GRAMD1B: variants seen among roughly 807,000 people sequenced by gnomAD.
The protein encoded by GRAMD1B is protein Aster-B.
Under a neutral mutation model 99.7 loss-of-function variants are expected in GRAMD1B, and 37 were observed. That is an observed-to-expected ratio of 0.37 (90% CI 0.29 to 0.49). The LOEUF (loss-of-function observed/expected upper bound fraction) is 0.49, where lower values mean the gene tolerates loss of function less well. GRAMD1B is among the 20% of genes least tolerant of loss of function. The probability of loss-of-function intolerance (pLI) is 0.98; values close to 1 mark genes in which losing one functional copy is unlikely to be tolerated. For missense variants in GRAMD1B, 888 were observed against 1,009.2 expected, an observed-to-expected ratio of 0.88 and a Z score of 1.63; for synonymous variants, 427 against 387.6, an observed-to-expected ratio of 1.10 and a Z score of -1.19.
At chr11:123,516,997 G>T (rs931928030) in intron 2 of GRAMD1B, among the ~76,000 whole-genome samples, 1 of 152,168 alleles carries the variant, frequency 6.6e-6, no homozygotes, top group South Asian at 2.1e-4. Context: ...TTGGCTCACT[G>T]CACCCTCCAC....
intron 1 of GRAMD1B, among the ~76,000 whole-genome samples, chr11:123,378,627 C>G: frequency 6.6e-6 from 1 of 152,154 alleles, no homozygotes; most frequent in Non-Finnish European, 1.5e-5. Flanking sequence ...GAGACCAAAA[C>G]TGTCATGGTT....
In GRAMD1B at chr11:123,610,459, A is replaced by G. The variant is rs943294510; in HGVS notation, c.1919+121A>G. 1.1e-5 allele frequency: 10 copies of G among 948,456 alleles called. No homozygotes were observed. The highest frequency in any genetic ancestry group is 7.6e-5 in the Admixed American group (4 of 52,882). 58.8% of individuals were successfully genotyped at this position (948,456 alleles called of 1,614,324 possible). A position where few individuals can be genotyped will look rare whatever the true frequency, so the allele number is the denominator to read the frequency against. On this transcript the variant is annotated intron_variant, in intron 14 of 19. Transcript: ENST00000635736. This position sits in a 1 kb window ranked among gnomAD's most constrained non-coding sequence, Gnocchi z 4.1. ...CTTGGCTGCTGACTCTCTTTATTCT[A>G]CTTTCTCTCCGAAGCCTTATGAGGC...
At position 123,606,644 on chromosome 11, in the gene GRAMD1B, G is replaced by A. The variant is rs2279519; in HGVS notation, c.1359G>A (p.Glu453=). The change falls in exon 11 of 20, where the codon GAG becomes GAA. Residue 453 remains glutamate (E), a synonymous_variant. Transcript: ENST00000635736. ...DGLPLEEEAL[E]GDGSLEKELA... ...TGCCCCTGGAGGAAGAGGCGCTGGA[G>A]GGAGACGGGTCCCTGGAAAAGGAGC... 505,236 of 1,611,422 alleles carry A rather than the reference G, an allele frequency of 0.31. 81,245 individuals are homozygous for A. Among genetic ancestry groups the A allele is most frequent in the South Asian group, 0.4 (36,239 of 90,488 alleles).
At position 123,435,937 on chromosome 11, in the gene GRAMD1B, C is replaced by CTTTTT. The variant is rs10647186; in HGVS notation, c.374+4790_374+4794dup. Among the ~76,000 whole-genome samples the CTTTTT allele has an allele frequency of 2.9e-3, 281 of 95,712 alleles. 6 individuals are homozygous for CTTTTT. The highest frequency in any genetic ancestry group is 3.5e-3 in the African/African-American group (88 of 25,036). The allele number at this position is 95,712 out of a possible 152,430, so 62.8% of individuals were successfully genotyped here. A position where few individuals can be genotyped will look rare whatever the true frequency, so the allele number is the denominator to read the frequency against. On this transcript the variant is annotated intron_variant, in intron 1 of 19. Transcript: ENST00000635736. ...TTGTTGCCCCACAAAGAAACTCATACTTTTTTTTTTTTTTTTTTTTTTTGA... is the reference window on the plus strand; with the variant it reads ...TTGTTGCCCCACAAAGAAACTCATACTTTTTTTTTTTTTTTTTTTTTTTTTTTTGA...
At chr11:123,433,833 C>A (rs1949027991) in intron 1 of GRAMD1B, among the ~76,000 whole-genome samples, 1 of 112,916 alleles carries the variant, frequency 8.9e-6, no homozygotes, top group Non-Finnish European at 1.9e-5. Context: ...GTAGTGGAAC[C>A]TTCATTTTGT....
intron 1 of GRAMD1B, among the ~76,000 whole-genome samples, chr11:123,359,374 C>G (rs998767539): frequency 1.8e-4 from 20 of 112,734 alleles, no homozygotes; most frequent in Non-Finnish European, 3.3e-4. Flanking sequence ...CTCTGCTTCT[C>G]GTTTCCTCTG....
At chr11:123,523,828 T>C (rs1329886152) in intron 2 of GRAMD1B, among the ~76,000 whole-genome samples, 1 of 152,216 alleles carries the variant, frequency 6.6e-6, no homozygotes, top group Non-Finnish European at 1.5e-5. Flanking sequence ...TCAATATCTG[T>C]GCTGAAAGTA....
intron 1 of GRAMD1B, 143 bp downstream of exon 1, chr11:123,431,309 G>T: frequency 1.7e-6 from 1 of 590,460 alleles, no homozygotes; most frequent in Non-Finnish European, 3.0e-6. Flanking sequence ...CGCTGCGCCT[G>T]GTCCCAGGGA....
chr11:123,538,394 C>T (rs1944174682), intron 2 of GRAMD1B, among the ~76,000 whole-genome samples: 1 of 152,054 alleles, frequency 6.6e-6, no homozygotes, highest in Non-Finnish European at 1.5e-5. Context: ...TTGAAAACAG[C>T]TTCATTTTGA....
At chr11:123,418,176 G>C (rs574628950) in intron 1 of GRAMD1B, among the ~76,000 whole-genome samples, 2 of 152,310 alleles carry the variant, frequency 1.3e-5, no homozygotes, top group South Asian at 4.1e-4. Flanking sequence ...ATGGCTTAAT[G>C]TCAGCCTTCT....
chr11:123,392,856 A>T (rs1405477420), intron 1 of GRAMD1B, among the ~76,000 whole-genome samples: 1 of 152,202 alleles, frequency 6.6e-6, no homozygotes, highest in African/African-American at 2.4e-5. Flanking sequence ...GTTACATTTC[A>T]TCTTGTTATA....
At position 123,610,061 on chromosome 11, in the gene GRAMD1B, C is replaced by A; in HGVS notation, c.1777-135C>A. ...TGGTGGCGTCTTGCTTGTTTAGTTGCTGCTGATTCCAGTGATCCTGGTTCT... is the reference window on the plus strand; with the variant it reads ...TGGTGGCGTCTTGCTTGTTTAGTTGATGCTGATTCCAGTGATCCTGGTTCT... On this transcript the variant is annotated intron_variant, in intron 13 of 19. Transcript: ENST00000635736. This position sits in a 1 kb window ranked among gnomAD's most constrained non-coding sequence, Gnocchi z 4.1. The A allele has an allele frequency of 1.1e-6, 1 of 883,472 alleles. No homozygotes were observed. Among genetic ancestry groups the A allele is most frequent in the Non-Finnish European group, 1.8e-6 (1 of 555,382 alleles). 54.7% of individuals were successfully genotyped at this position (883,472 alleles called of 1,614,324 possible).
At chr11:123,507,333 A>T (rs911167519) in intron 2 of GRAMD1B, among the ~76,000 whole-genome samples, 1 of 152,196 alleles carries the variant, frequency 6.6e-6, no homozygotes, top group Non-Finnish European at 1.5e-5. Flanking sequence ...GCAAAGCCTC[A>T]TGGCTTTTCA....
intron 4 of GRAMD1B, among the ~76,000 whole-genome samples, chr11:123,592,743 G>C (rs767303154): frequency 4.6e-5 from 7 of 152,116 alleles, no homozygotes; most frequent in Non-Finnish European, 1.0e-4. Context: ...CTACACCCTA[G>C]GCTGAGGGTC....
upstream of GRAMD1B, among the ~76,000 whole-genome samples, chr11:123,428,595 C>G (rs1948736224): frequency 6.6e-6 from 1 of 152,218 alleles, no homozygotes; most frequent in Non-Finnish European, 1.5e-5. Flanking sequence ...GTCAGGATGC[C>G]TTGAGCTTTT....
At chr11:123,608,372 G>A (rs529507912) in intron 11 of GRAMD1B, 2 of 795,388 alleles carry the variant, frequency 2.5e-6, no homozygotes, top group African/African-American at 3.5e-5. Flanking sequence ...ACTGAATTAG[G>A]GAGGTTTGAA....
At chr11:123,511,338 G>A (rs1337783460) in intron 2 of GRAMD1B, among the ~76,000 whole-genome samples, 2 of 152,284 alleles carry the variant, frequency 1.3e-5, no homozygotes, top group South Asian at 2.1e-4. Context: ...ACTGCTCGCC[G>A]GATGCCCCAA....
intron 1 of GRAMD1B, among the ~76,000 whole-genome samples, chr11:123,420,553 C>T (rs55967596): frequency 4.5e-4 from 68 of 152,048 alleles, no homozygotes; most frequent in Non-Finnish European, 8.1e-4. Context: ...ATACAAACTC[C>T]CAAGGAAATT....
chr11:123,380,201 C>T (rs1946826819), intron 1 of GRAMD1B, among the ~76,000 whole-genome samples: 1 of 152,128 alleles, frequency 6.6e-6, no homozygotes, highest in South Asian at 2.1e-4. Flanking sequence ...GTTCACTCAC[C>T]CTTTATTGCT....
Sources: gnomAD v4.1 joint callset for allele counts (sites outside exome capture counted in the v4.1 genomes callset) on GRCh38, gnomAD v4.1.1 for gene constraint, Gnocchi (gnomAD v3.1) non-coding constraint, MANE v1.5 for transcripts, NCBI Gene and HGNC (gene_info 2026-07-23, HGNC 2026-07-21) for gene names.